Variants in ZPBP observed in about 807,000 individuals in gnomAD.
ZPBP encodes the protein zona pellucida binding protein, also known as zona pellucida-binding protein 1.
A neutral mutation model predicts 44.8 loss-of-function variants in ZPBP; 26 were observed. The ratio of observed to expected loss-of-function variants is 0.58; its 90% CI spans 0.43 to 0.81. The LOEUF is 0.81. Ranked by LOEUF, ZPBP falls within the 30% of genes least tolerant of loss-of-function variation. ZPBP has a pLI of 0.00. For missense variants in ZPBP, 409 were observed against 434.0 expected (o/e 0.94, Z 0.51); for synonymous variants, 174 against 153.2 (o/e 1.14, Z -1.00).
intron 1 of ZPBP, among the ~76,000 whole-genome samples, chr7:49,925,966 G>A (rs186574965): frequency 3.5e-4 from 53 of 152,334 alleles, no homozygotes; most frequent in East Asian, 5.8e-4. Context: ...GTCTGTCAGC[G>A]AATGTAGCTT....
In ZPBP at chr7:49,940,272, G is replaced by T. The variant is rs139467496; in HGVS notation, c.962-2650C>A. ...TGGTCTTTTGTTAACGACAGTCAAG[G>T]AATAAAATTCGGAAAAAAATTGTAG... On this transcript the variant is annotated intron_variant, in intron 7 of 7. Transcript: ENST00000046087. 1.6e-3 allele frequency among the ~76,000 whole-genome samples: 247 copies of T among 152,020 alleles called. 3 individuals carry two copies. The highest frequency in any genetic ancestry group is 5.5e-3 in the African/African-American group (230 of 41,466).
At chr7:50,037,980 C>T (rs1398275391) in intron 4 of ZPBP, among the ~76,000 whole-genome samples, 1 of 152,136 alleles carries the variant, frequency 6.6e-6, no homozygotes, top group East Asian at 1.9e-4. Context: ...CTACCTTCTT[C>T]CACCTAGTCC....
chr7:49,863,219 AT>A (rs1790731729), intron 2 of ZPBP, among the ~76,000 whole-genome samples: 1 of 152,128 alleles, frequency 6.6e-6, no homozygotes, highest in Non-Finnish European at 1.5e-5. Context: ...GAATTTGTCC[AT>A]TTCACGTAGT....
intron 1 of ZPBP, among the ~76,000 whole-genome samples, chr7:49,930,642 A>T (rs911076588): frequency 9.2e-5 from 14 of 152,200 alleles, no homozygotes; most frequent in Admixed American, 7.9e-4. Flanking sequence ...GTGGCACTAG[A>T]AATTGGTATA....
At chr7:49,924,817 G>A (rs1794167193) in intron 1 of ZPBP, among the ~76,000 whole-genome samples, 1 of 152,138 alleles carries the variant, frequency 6.6e-6, no homozygotes, top group African/African-American at 2.4e-5. Context: ...GGTGGTGGCT[G>A]CCCAAGGACT....
chr7:50,076,443 G>C (rs769458265), intron 3 of ZPBP, among the ~76,000 whole-genome samples: 13 of 151,830 alleles, frequency 8.6e-5, no homozygotes, highest in Non-Finnish European at 1.8e-4. Context: ...AGATACAAAG[G>C]CATCCAAATT....
At chr7:50,037,494 T>C (rs182606758) in intron 4 of ZPBP, among the ~76,000 whole-genome samples, 2 of 152,174 alleles carry the variant, frequency 1.3e-5, no homozygotes, top group East Asian at 1.9e-4. Flanking sequence ...ACAATCATGA[T>C]TGAAGGTGAA....
intron 4 of ZPBP, among the ~76,000 whole-genome samples, chr7:50,047,426 A>G (rs1000849908): frequency 1.3e-5 from 2 of 152,154 alleles, no homozygotes; most frequent in African/African-American, 4.8e-5. Flanking sequence ...CAGGTCAAAA[A>G]GGAGATGGAT....
chr7:50,070,227 A>G (rs1231201388), intron 3 of ZPBP, among the ~76,000 whole-genome samples: 1 of 152,116 alleles, frequency 6.6e-6, no homozygotes, highest in African/African-American at 2.4e-5. Context: ...GTGGGGACAC[A>G]AGGTTCATCC....
At chr7:49,885,480 TCAAATTACA>T in intron 2 of ZPBP, among the ~76,000 whole-genome samples, 1 of 151,646 alleles carries the variant, frequency 6.6e-6, no homozygotes. Flanking sequence ...ATTAACTTCA[TCAAATTACA>T]TTCTGAAAAG....
chr7:50,085,590 C>T (rs528573432), intron 2 of ZPBP, among the ~76,000 whole-genome samples: 12 of 152,188 alleles, frequency 7.9e-5, no homozygotes, highest in African/African-American at 2.9e-4. Flanking sequence ...AGTATGCGAA[C>T]TGTCAGTCAA....
In ZPBP at chr7:49,857,009, CAAAAAAAAAAAA is replaced by C. The variant is rs59910243; in HGVS notation, n.510-6507_510-6496del. On this transcript the variant is annotated intron_variant and non_coding_transcript_variant, in intron 2 of 2. Coordinates refer to the ZPBP transcript ENST00000465922. ...TGGGTGACAGAGCCAGATACTGTCT[CAAAAAAAAAAAA>C]AAAAAAAAAAAAAAAAAAAAGACGT... is the stretch of plus-strand genomic sequence containing the variant. 2.5e-4 allele frequency among the ~76,000 whole-genome samples: 13 copies of C among 52,788 alleles called. No homozygotes were observed. The South Asian group carries it at 5.1e-3, about 21-fold the overall frequency. The allele number at this position is 52,788 out of a possible 152,430, so 34.6% of individuals were successfully genotyped here. A position where few individuals can be genotyped will look rare whatever the true frequency, so the allele number is the denominator to read the frequency against.
chr7:49,948,667 T>A (rs896756650), intron 7 of ZPBP, among the ~76,000 whole-genome samples: 3 of 152,044 alleles, frequency 2.0e-5, no homozygotes, highest in African/African-American at 7.2e-5. Flanking sequence ...CATAATGAGA[T>A]ACCACTTCAA....
chr7:49,864,571 G>A (rs138989542), intron 2 of ZPBP, among the ~76,000 whole-genome samples: 126 of 152,236 alleles, frequency 8.3e-4, no homozygotes, highest in African/African-American at 2.9e-3. Flanking sequence ...TTTTGGCCTG[G>A]GTAGTTGGCT....
chr7:49,857,392 A>G (rs1355732296), intron 2 of ZPBP, among the ~76,000 whole-genome samples: 2 of 152,194 alleles, frequency 1.3e-5, no homozygotes, highest in Non-Finnish European at 2.9e-5. Context: ...GAATATTCCA[A>G]TGTAGGCATA....
intron 6 of ZPBP, among the ~76,000 whole-genome samples, chr7:50,014,105 TTAATTTTTTAAAACCTAGAGAGAG>T: frequency 6.6e-6 from 1 of 152,252 alleles, no homozygotes; most frequent in Non-Finnish European, 1.5e-5. Flanking sequence ...ATCATATATA[TTAATTTTTTAAAACCTAGAGAGAG>T]AAATGTAGCA....
chr7:50,047,729 G>A (rs889051537), intron 4 of ZPBP, among the ~76,000 whole-genome samples: 1 of 151,170 alleles, frequency 6.6e-6, no homozygotes, highest in Non-Finnish European at 1.5e-5. Flanking sequence ...AACAAGCAGG[G>A]TGCCTCATGA....
intron 4 of ZPBP, among the ~76,000 whole-genome samples, chr7:50,036,537 T>C (rs893196235): frequency 1.3e-5 from 2 of 152,140 alleles, no homozygotes; most frequent in African/African-American, 2.4e-5. Flanking sequence ...AACTTCAACA[T>C]TGTAATATGT....
intron 2 of ZPBP, among the ~76,000 whole-genome samples, chr7:49,862,323 A>C (rs1790684460): frequency 6.6e-6 from 1 of 152,160 alleles, no homozygotes; most frequent in African/African-American, 2.4e-5. Context: ...TCAATCTTGT[A>C]ACCAGCAAGT....
Sources: gnomAD v4.1 joint callset for allele counts (sites outside exome capture counted in the v4.1 genomes callset) on GRCh38, gnomAD v4.1.1 for gene constraint, MANE v1.5 for transcripts, NCBI Gene and HGNC (gene_info 2026-07-23, HGNC 2026-07-21) for gene names.